The following VPS13B variants were observed in gnomAD, a reference collection of about 807,000 sequenced individuals.
The protein encoded by VPS13B is intermembrane lipid transfer protein VPS13B.
Under a neutral mutation model 426.4 loss-of-function variants are expected in VPS13B, and 285 were observed. The ratio of observed to expected loss-of-function variants is 0.67; its 90% confidence interval spans 0.61 to 0.74. VPS13B has a LOEUF of 0.74. VPS13B is among the 30% of genes least tolerant of loss of function. The pLI, the probability that VPS13B is intolerant of heterozygous loss-of-function variation, is 0.00. For synonymous variants in VPS13B, 1,676 were observed against 1,676.4 expected (o/e 1.00, Z 0.01); for missense variants, 4,537 against 4,782.6 (o/e 0.95, Z 1.51).
intron 6 of VPS13B, among the ~76,000 whole-genome samples, chr8:99,113,619 C>T (rs990779061): frequency 6.6e-6 from 1 of 152,138 alleles, no homozygotes; most frequent in Non-Finnish European, 1.5e-5. Flanking sequence ...GGCTGGAGTG[C>T]AATGGCATGA....
At chr8:99,430,345 A>G (rs1332882818) in intron 21 of VPS13B, among the ~76,000 whole-genome samples, 1 of 152,186 alleles carries the variant, frequency 6.6e-6, no homozygotes, top group African/African-American at 2.4e-5. Context: ...TTTGGAGAGC[A>G]TCCTAGGTTC....
At chr8:99,536,789 CAGTG>C in intron 30 of VPS13B, 1 of 526,230 alleles carries the variant, frequency 1.9e-6, no homozygotes. Context: ...AGCTTATGTT[CAGTG>C]AGACACAACC....
chr8:99,800,044 G>A (rs972791305), intron 43 of VPS13B, among the ~76,000 whole-genome samples: 3 of 152,104 alleles, frequency 2.0e-5, no homozygotes, highest in Admixed American at 1.3e-4. Context: ...CCAAATGCAT[G>A]ATCACCATTG....
chr8:99,260,687 A>G (rs1817993970), intron 17 of VPS13B, among the ~76,000 whole-genome samples: 1 of 152,054 alleles, frequency 6.6e-6, no homozygotes, highest in South Asian at 2.1e-4. Context: ...TCCACATACA[A>G]TCTAGTGATC....
At chr8:99,515,670 G>A (rs536850727) in intron 29 of VPS13B, among the ~76,000 whole-genome samples, 5 of 151,826 alleles carry the variant, frequency 3.3e-5, no homozygotes, top group Non-Finnish European at 7.4e-5. Flanking sequence ...CTTTTTAGTG[G>A]TGTTTTTTTT....
At chr8:99,039,817 G>T (rs1045552698) in intron 3 of VPS13B, among the ~76,000 whole-genome samples, 1 of 151,854 alleles carries the variant, frequency 6.6e-6, no homozygotes, top group Non-Finnish European at 1.5e-5. Flanking sequence ...TTCCAAACAC[G>T]TATTATCCAA....
chr8:99,103,155 A>G, intron 5 of VPS13B, 35 bp downstream of exon 5: 1 of 1,610,370 alleles, frequency 6.2e-7, no homozygotes, highest in South Asian at 1.1e-5. Context: ...ATATTTTTCC[A>G]TAATTGAAAC....
chr8:99,546,185 T>C (rs1823965058), intron 30 of VPS13B, among the ~76,000 whole-genome samples: 1 of 152,006 alleles, frequency 6.6e-6, no homozygotes, highest in Admixed American at 6.6e-5. Flanking sequence ...CTCCATACAT[T>C]AAAAACCATG....
At chr8:99,707,402 A>G (rs1832536507) in intron 36 of VPS13B, among the ~76,000 whole-genome samples, 1 of 152,170 alleles carries the variant, frequency 6.6e-6, no homozygotes, top group Non-Finnish European at 1.5e-5. Context: ...GTCTTTGTAT[A>G]TATTCCTTTC....
chr8:99,201,316 A>G (rs1254661182), intron 17 of VPS13B, among the ~76,000 whole-genome samples: 1 of 152,078 alleles, frequency 6.6e-6, no homozygotes, highest in Non-Finnish European at 1.5e-5. Context: ...GTGATTTATT[A>G]GCGAGTTTTG....
At chr8:99,439,491 A>G (rs1465598653) in intron 22 of VPS13B, among the ~76,000 whole-genome samples, 1 of 152,140 alleles carries the variant, frequency 6.6e-6, no homozygotes, top group Non-Finnish European at 1.5e-5. Context: ...AGAAAAAGTA[A>G]TGAAATGCAA....
At chr8:99,723,226 A>G (rs557993227) in intron 39 of VPS13B, among the ~76,000 whole-genome samples, 2 of 152,344 alleles carry the variant, frequency 1.3e-5, no homozygotes, top group South Asian at 4.1e-4. Context: ...TAATAATGTG[A>G]TGATTGTAAG....
chr8:99,399,046 A>G (rs557934223), intron 21 of VPS13B, among the ~76,000 whole-genome samples: 33 of 152,246 alleles, frequency 2.2e-4, no homozygotes, highest in African/African-American at 7.7e-4. Flanking sequence ...ACACTATTAT[A>G]TAATATGCAA....
chr8:99,357,867 T>G (rs1477050995), intron 19 of VPS13B, among the ~76,000 whole-genome samples: 1 of 152,218 alleles, frequency 6.6e-6, no homozygotes, highest in Non-Finnish European at 1.5e-5. Flanking sequence ...TAAATTATTT[T>G]ATGGCATAAC....
chr8:99,313,550 C>T (rs1018959781), intron 19 of VPS13B, among the ~76,000 whole-genome samples: 2 of 152,084 alleles, frequency 1.3e-5, no homozygotes, highest in Non-Finnish European at 2.9e-5. Flanking sequence ...GAGGGGTAGC[C>T]GGCCCTGTGA....
At chr8:99,631,455 C>T (rs1196009852) in intron 33 of VPS13B, among the ~76,000 whole-genome samples, 2 of 152,042 alleles carry the variant, frequency 1.3e-5, no homozygotes, top group South Asian at 2.1e-4. Context: ...TGGGTACAGT[C>T]GTGAGTGTCA....
rs902517415 is a variant in VPS13B, at chr8:99,875,205, C to G, written c.11746-213C>G. On this transcript the variant is annotated intron_variant, in intron 61 of 61. Coordinates refer to ENST00000357162, the MANE Select transcript of VPS13B (RefSeq NM_152564.5). ...AAATGCTTATTCTAAGGAGGCTGTC[C>G]TAAGTCTCATGCACAACTTTCAGTT... is the stretch of plus-strand genomic sequence containing the variant. 2.0e-4 allele frequency: 133 copies of G among 677,250 alleles called. 3 individuals carry two copies. Among genetic ancestry groups the G allele is most frequent in the South Asian group, 6.9e-4 (39 of 56,456 alleles). The allele number at this position is 677,250 out of a possible 1,614,324, so 42.0% of individuals were successfully genotyped here.
chr8:99,789,267 G>T (rs1812426912), intron 43 of VPS13B, among the ~76,000 whole-genome samples: 1 of 152,054 alleles, frequency 6.6e-6, no homozygotes, highest in South Asian at 2.1e-4. Context: ...TATAATGCAT[G>T]TATACATATA....
chr8:99,747,099 C>T (rs1000266674), intron 39 of VPS13B, among the ~76,000 whole-genome samples: 1 of 152,046 alleles, frequency 6.6e-6, no homozygotes, highest in African/African-American at 2.4e-5. Flanking sequence ...TATATGACCT[C>T]CCAAAGTCCT....
Sources: gnomAD v4.1 joint callset for allele counts (sites outside exome capture counted in the v4.1 genomes callset) on GRCh38, gnomAD v4.1.1 for gene constraint, MANE v1.5 for transcripts, NCBI Gene and HGNC (gene_info 2026-07-23, HGNC 2026-07-21) for gene names.